The following CCDC148 variants were observed in gnomAD, a reference collection of about 807,000 sequenced individuals.
CCDC148 encodes coiled-coil domain-containing protein 148.
In CCDC148, 89 loss-of-function variants were observed where a neutral mutation model predicts 85.7. That is an observed-to-expected ratio of 1.04 (90% CI 0.87 to 1.24). CCDC148 has a LOEUF of 1.24. CCDC148 is among the 50% of genes most tolerant of loss of function. The pLI is 0.00. For missense variants in CCDC148, 692 were observed against 671.7 expected (o/e 1.03, Z -0.33); for synonymous variants, 230 against 213.9 (o/e 1.08, Z -0.66).
chr2:158,433,460 T>C (rs1158577298), intron 1 of CCDC148, among the ~76,000 whole-genome samples: 2 of 151,970 alleles, frequency 1.3e-5, no homozygotes, highest in Non-Finnish European at 2.9e-5. Context: ...AAAATCTCAA[T>C]AGTAAGACAA....
chr2:158,272,600 C>A (rs1689746295), intron 9 of CCDC148, among the ~76,000 whole-genome samples: 1 of 152,128 alleles, frequency 6.6e-6, no homozygotes. Flanking sequence ...GAATCCCCAG[C>A]CCCTGAGAGT....
At chr2:158,211,196 A>G (rs1478610365) in intron 11 of CCDC148, among the ~76,000 whole-genome samples, 1 of 152,026 alleles carries the variant, frequency 6.6e-6, no homozygotes, top group African/African-American at 2.4e-5. Flanking sequence ...ATAAAAAAAA[A>G]GAAAGAAAAC....
At chr2:158,274,324 T>C (rs376213273) in intron 9 of CCDC148, among the ~76,000 whole-genome samples, 2 of 152,152 alleles carry the variant, frequency 1.3e-5, no homozygotes, top group African/African-American at 4.8e-5. Context: ...ACTATGTCCC[T>C]GAATTTTTCC....
intron 1 of CCDC148, among the ~76,000 whole-genome samples, chr2:158,358,942 C>T (rs1019034297): frequency 1.3e-5 from 2 of 151,998 alleles, no homozygotes; most frequent in African/African-American, 4.8e-5. Flanking sequence ...TTAAGTATCA[C>T]ATCATTATAA....
At chr2:158,210,485 T>G (rs759632011) in intron 11 of CCDC148, among the ~76,000 whole-genome samples, 9 of 152,010 alleles carry the variant, frequency 5.9e-5, no homozygotes, top group Non-Finnish European at 8.8e-5. Flanking sequence ...ACAGAACTCT[T>G]CACCCCAAGT....
intron 9 of CCDC148, among the ~76,000 whole-genome samples, chr2:158,294,233 G>T (rs1289002166): frequency 6.6e-6 from 1 of 152,104 alleles, no homozygotes; most frequent in Non-Finnish European, 1.5e-5. Context: ...TTTGAGATGT[G>T]TACATGCTGT....
chr2:158,295,112 T>C (rs1691114527), intron 9 of CCDC148, among the ~76,000 whole-genome samples: 1 of 152,174 alleles, frequency 6.6e-6, no homozygotes, highest in Non-Finnish European at 1.5e-5. Context: ...TTTCTTAAAC[T>C]AGAAAATCTA....
In CCDC148 at chr2:158,437,444, C is replaced by G. The variant is rs574339492; in HGVS notation, c.25+18971G>C. On this transcript the variant is annotated intron_variant, in intron 1 of 13. Transcript: ENST00000283233. ...ATTCAACAGCGCTTCATGCTGAAAACTCTTAATAAATTAGGTATTGATGGG... is the reference window on the plus strand; with the variant it reads ...ATTCAACAGCGCTTCATGCTGAAAAGTCTTAATAAATTAGGTATTGATGGG... Among the ~76,000 whole-genome samples the G allele has an allele frequency of 2.0e-4, 30 of 152,318 alleles. No individual in the cohort carries two copies. In the Middle Eastern group the frequency reaches 0.014, roughly 69 times the overall value.
chr2:158,307,049 A>G (rs974413513), intron 9 of CCDC148, among the ~76,000 whole-genome samples: 1 of 151,714 alleles, frequency 6.6e-6, no homozygotes, highest in African/African-American at 2.4e-5. Context: ...ATTTTACTAT[A>G]TATAACATAT....
intron 1 of CCDC148, among the ~76,000 whole-genome samples, chr2:158,406,618 T>TTTTTCTGTTTTTTTTTTTG (rs1559124528): frequency 2.4e-5 from 2 of 84,960 alleles, no homozygotes; most frequent in Non-Finnish European, 2.6e-5. Flanking sequence ...AATTTCTTTT[T>TTTTTCTGTTTTTTTTTTTG]TTTTTTTTTT....
chr2:158,175,977 CTCAGGCACAGATTA>C (rs1447287305), intron 13 of CCDC148, among the ~76,000 whole-genome samples: 17 of 151,984 alleles, frequency 1.1e-4, no homozygotes, highest in Non-Finnish European at 1.3e-4. Context: ...GGCACAGATT[CTCAGGCACAGATTA>C]AAATGAACCC....
chr2:158,198,637 A>G (rs1009082911), intron 11 of CCDC148, among the ~76,000 whole-genome samples: 15 of 152,296 alleles, frequency 9.8e-5, no homozygotes, highest in African/African-American at 3.1e-4. Context: ...TGATATCTTC[A>G]GAGAATACTT....
intron 10 of CCDC148, among the ~76,000 whole-genome samples, chr2:158,226,204 G>T (rs1304761452): frequency 6.6e-6 from 1 of 152,114 alleles, no homozygotes; most frequent in Non-Finnish European, 1.5e-5. Flanking sequence ...AGAAAATCTA[G>T]AAGAAATGGA....
At chr2:158,179,713 T>A (rs1490240839) in intron 11 of CCDC148, among the ~76,000 whole-genome samples, 1 of 152,182 alleles carries the variant, frequency 6.6e-6, no homozygotes, top group Non-Finnish European at 1.5e-5. Flanking sequence ...TAAAATAAGC[T>A]ACTATAATAA....
chr2:158,342,086 A>G (rs1682742924), intron 3 of CCDC148, among the ~76,000 whole-genome samples: 1 of 136,070 alleles, frequency 7.3e-6, no homozygotes, highest in Non-Finnish European at 1.5e-5. Flanking sequence ...CTGAAGTGCA[A>G]TGGCGTGATC....
chr2:158,338,606 T>C (rs942738800), intron 7 of CCDC148, 120 bp downstream of exon 7: 2 of 710,044 alleles, frequency 2.8e-6, no homozygotes, highest in South Asian at 2.1e-5. Flanking sequence ...AGTCTAAACA[T>C]TTATTGATTG....
chr2:158,275,140 G>A (rs1689870712), intron 9 of CCDC148, among the ~76,000 whole-genome samples: 1 of 152,174 alleles, frequency 6.6e-6, no homozygotes, highest in Admixed American at 6.5e-5. Context: ...TTCCTCATAA[G>A]TGATTCTGTA....
At chr2:158,340,479 G>A (rs975318920) in intron 4 of CCDC148, 86 bp from the exon 5 acceptor site, 2 of 1,495,870 alleles carry the variant, frequency 1.3e-6, no homozygotes, top group Admixed American at 4.1e-5. Flanking sequence ...AGATTTATTT[G>A]GGGATTTCCT....
chr2:158,266,854 CTGTGTGTG>C (rs147618414), intron 9 of CCDC148, among the ~76,000 whole-genome samples: 1 of 149,172 alleles, frequency 6.7e-6, no homozygotes, highest in Non-Finnish European at 1.5e-5. Flanking sequence ...GTGTGTGTGT[CTGTGTGTG>C]TGTGTGTATT....
Sources: gnomAD v4.1 joint callset for allele counts (sites outside exome capture counted in the v4.1 genomes callset) on GRCh38, gnomAD v4.1.1 for gene constraint, MANE v1.5 for transcripts, NCBI Gene and HGNC (gene_info 2026-07-23, HGNC 2026-07-21) for gene names.